Variants in NFIA observed in about 807,000 individuals in gnomAD.
NFIA encodes the protein nuclear factor I A, also known as nuclear factor 1 A-type.
A neutral mutation model predicts 62.8 loss-of-function variants in NFIA; 8 were observed. The observed-to-expected ratio is 0.13, with a 90% CI of 0.07 to 0.23. The LOEUF (loss-of-function observed/expected upper bound fraction) is 0.23, where lower values mean the gene tolerates loss of function less well. Among genes scored for constraint, NFIA ranks in the 10% least tolerant of loss-of-function variants. The pLI is 1.00. For synonymous variants in NFIA, 235 were observed against 238.1 expected (o/e 0.99, Z 0.12); for missense variants, 410 against 642.1 (o/e 0.64, Z 3.91).
intron 6 of NFIA, among the ~76,000 whole-genome samples, chr1:61,370,129 T>C (rs1021135647): frequency 6.6e-6 from 1 of 152,198 alleles, no homozygotes; most frequent in African/African-American, 2.4e-5. Context: ...CACGCTGCTG[T>C]GCAGCAGTTT....
intron 10 of NFIA, among the ~76,000 whole-genome samples, chr1:61,427,322 CATTTAGAGGTTTGTGAAATAGA>C (rs1399977841): frequency 6.6e-6 from 1 of 152,112 alleles, no homozygotes; most frequent in Non-Finnish European, 1.5e-5. Flanking sequence ...TAGGTAGAGG[CATTTAGAGGTTTGTGAAATAGA>C]ATTAGATTCA....
intron 6 of NFIA, among the ~76,000 whole-genome samples, chr1:61,371,172 G>A (rs1457995211): frequency 6.6e-6 from 1 of 151,900 alleles, no homozygotes; most frequent in African/African-American, 2.4e-5. Context: ...CACTCTTTAG[G>A]GACTTATATA....
At chr1:61,207,072 G>A (rs1652945637) in intron 2 of NFIA, among the ~76,000 whole-genome samples, 1 of 152,166 alleles carries the variant, frequency 6.6e-6, no homozygotes, top group South Asian at 2.1e-4. Context: ...GTGGACTTGT[G>A]GAGGAGCTGG....
intron 3 of NFIA, among the ~76,000 whole-genome samples, chr1:61,320,646 T>C (rs1660633138): frequency 6.6e-6 from 1 of 152,024 alleles, no homozygotes. Flanking sequence ...ATCTTAAAAT[T>C]AGCACATGGC....
chr1:61,184,794 G>A (rs1395486922), intron 2 of NFIA, among the ~76,000 whole-genome samples: 2 of 145,636 alleles, frequency 1.4e-5, no homozygotes, highest in Non-Finnish European at 3.0e-5. Flanking sequence ...AGAGAAACGA[G>A]AGGAAAATGG....
At chr1:61,270,110 G>A (rs192405910) in intron 2 of NFIA, among the ~76,000 whole-genome samples, 182 of 152,270 alleles carry the variant, frequency 1.2e-3, no homozygotes, top group African/African-American at 4.1e-3. Context: ...ATCATGTGTC[G>A]GTTGGGGTTG....
intron 2 of NFIA, among the ~76,000 whole-genome samples, chr1:61,165,145 A>G (rs1329483820): frequency 6.6e-6 from 1 of 152,310 alleles, no homozygotes; most frequent in Admixed American, 6.5e-5. Context: ...AGAAAATACC[A>G]TTTAATGTTA....
chr1:61,338,300 C>T (rs1661723085), intron 4 of NFIA, among the ~76,000 whole-genome samples: 1 of 152,216 alleles, frequency 6.6e-6, no homozygotes, highest in African/African-American at 2.4e-5. Context: ...CCACAAAGCT[C>T]AGCTGCCGGG....
intron 2 of NFIA, among the ~76,000 whole-genome samples, chr1:61,120,491 G>A (rs1426384702): frequency 1.3e-5 from 2 of 152,110 alleles, no homozygotes; most frequent in Non-Finnish European, 2.9e-5. Context: ...TGGTCGTTTT[G>A]TTATTCTAAT....
intron 9 of NFIA, among the ~76,000 whole-genome samples, chr1:61,421,279 C>T (rs1035092456): frequency 2.0e-5 from 3 of 152,322 alleles, no homozygotes; most frequent in African/African-American, 2.4e-5. Context: ...GTGTCTCACT[C>T]GCCTTTGCAT....
chr1:61,131,531 A>G (rs748967695), intron 2 of NFIA, among the ~76,000 whole-genome samples: 20 of 152,154 alleles, frequency 1.3e-4, no homozygotes, highest in Non-Finnish European at 2.4e-4. Flanking sequence ...ATATTTTAGC[A>G]TGCTTGACAC....
At chr1:61,138,370 A>G (rs1336717009) in intron 2 of NFIA, among the ~76,000 whole-genome samples, 6 of 152,142 alleles carry the variant, frequency 3.9e-5, no homozygotes, top group Non-Finnish European at 7.4e-5. Flanking sequence ...TATTGGAATT[A>G]CAGGCATGAG....
rs539662782 is a variant in NFIA, at chr1:61,220,283, T to C, written c.560-57237T>C. Among the ~76,000 whole-genome samples the C allele has an allele frequency of 6.6e-5, 10 of 152,300 alleles. No individual in the cohort carries two copies. The South Asian group carries it at 2.1e-3, about 32-fold the overall frequency. On this transcript the variant is annotated intron_variant, in intron 2 of 10. Transcript: ENST00000403491. ...GTGTTTCTTCCCTGTTCATATTGCC[T>C]CCCTATCCATCAGAGAATATCTTAA... is the stretch of plus-strand genomic sequence containing the variant.
At chr1:61,168,826 G>A (rs555046183) in intron 2 of NFIA, among the ~76,000 whole-genome samples, 2 of 152,210 alleles carry the variant, frequency 1.3e-5, no homozygotes, top group South Asian at 4.2e-4. Flanking sequence ...ATTATGAATG[G>A]CTGTTAAATA....
intron 4 of NFIA, among the ~76,000 whole-genome samples, chr1:61,348,121 T>C (rs1662345130): frequency 6.6e-6 from 1 of 152,198 alleles, no homozygotes; most frequent in African/African-American, 2.4e-5. Flanking sequence ...AGATTAGAGG[T>C]ACTGAGAATA....
chr1:61,460,067 A>T lies in NFIA; in HGVS notation c.*4747A>T, dbSNP rs1179326184. 6.6e-6 allele frequency: 1 copy of T among 152,016 alleles called. No homozygotes were observed. Among genetic ancestry groups the T allele is most frequent in the Non-Finnish European group, 1.5e-5 (1 of 68,022 alleles). 9.4% of individuals were successfully genotyped at this position (152,016 alleles called of 1,614,324 possible). Reference sequence around the variant, plus strand: ...AGGAGAGCTTCAGTGGCACCTCAAAACCCACCCTTCGAGATCTGTCCAAAG... The same window carrying T: ...AGGAGAGCTTCAGTGGCACCTCAAATCCCACCCTTCGAGATCTGTCCAAAG... On this transcript the variant is annotated 3_prime_UTR_variant, in exon 11 of 11. Transcript: ENST00000403491.
intron 2 of NFIA, among the ~76,000 whole-genome samples, chr1:61,270,898 T>C (rs2100262672): frequency 6.6e-6 from 1 of 152,322 alleles, no homozygotes; most frequent in East Asian, 1.9e-4. Context: ...TTCAAAATGA[T>C]TACCTAGACA....
At chr1:61,167,247 G>T (rs1208859806) in intron 2 of NFIA, among the ~76,000 whole-genome samples, 1 of 152,184 alleles carries the variant, frequency 6.6e-6, no homozygotes, top group Non-Finnish European at 1.5e-5. Flanking sequence ...AATCTGTATG[G>T]CAAGGAAGAT....
intron 2 of NFIA, among the ~76,000 whole-genome samples, chr1:61,092,289 T>C (rs1250646101): frequency 2.0e-5 from 3 of 152,202 alleles, no homozygotes; most frequent in African/African-American, 4.8e-5. Flanking sequence ...ATTTGTCAGG[T>C]AATTGCTTTA....
Sources: gnomAD v4.1 joint callset for allele counts (sites outside exome capture counted in the v4.1 genomes callset) on GRCh38, gnomAD v4.1.1 for gene constraint, MANE v1.5 for transcripts, NCBI Gene and HGNC (gene_info 2026-07-23, HGNC 2026-07-21) for gene names.